Variants in MAST2 observed in about 807,000 individuals in gnomAD.
MAST2 encodes the protein microtubule-associated serine/threonine-protein kinase 2.
MAST2 carries 70 observed loss-of-function variants against 147.4 expected under a neutral mutation model. The ratio of observed to expected loss-of-function variants is 0.47; its 90% confidence interval spans 0.39 to 0.58. The LOEUF (loss-of-function observed/expected upper bound fraction) is 0.58, where lower values mean the gene tolerates loss of function less well. Ranked by LOEUF, MAST2 falls within the 20% of genes least tolerant of loss-of-function variation. MAST2 has a pLI of 0.00. For missense variants in MAST2, 2,080 were observed against 2,302.3 expected, an observed-to-expected ratio of 0.90 and a Z score of 1.98; for synonymous variants, 869 against 896.8, an observed-to-expected ratio of 0.97 and a Z score of 0.55.
At chr1:45,960,659 G>A (rs574174439) in intron 5 of MAST2, among the ~76,000 whole-genome samples, 5 of 152,304 alleles carry the variant, frequency 3.3e-5, no homozygotes, top group Admixed American at 2.0e-4. Context: ...ACCAGGCCAC[G>A]GGACTCAGCT....
At chr1:45,958,364 T>C (rs1354376409) in intron 4 of MAST2, among the ~76,000 whole-genome samples, 6 of 152,122 alleles carry the variant, frequency 3.9e-5, no homozygotes, top group Non-Finnish European at 2.9e-5. Flanking sequence ...CTTGTCTCAG[T>C]GCCTTTACCT....
chr1:45,949,558 T>TA (rs1300750018), intron 4 of MAST2, among the ~76,000 whole-genome samples: 2 of 152,016 alleles, frequency 1.3e-5, no homozygotes, highest in African/African-American at 4.8e-5. Flanking sequence ...TTGTTAAAAG[T>TA]AAAAAAATAA....
intron 4 of MAST2, among the ~76,000 whole-genome samples, chr1:45,955,986 C>G (rs750111717): frequency 7.9e-5 from 12 of 152,206 alleles, no homozygotes; most frequent in Non-Finnish European, 1.8e-4. Flanking sequence ...CTATAACTCT[C>G]AGAAGTTTCC....
At chr1:45,921,875 C>T (rs1653557199) in intron 4 of MAST2, among the ~76,000 whole-genome samples, 1 of 152,196 alleles carries the variant, frequency 6.6e-6, no homozygotes. Context: ...TCTTTTGGCC[C>T]TGCCATTCGG....
intron 10 of MAST2, among the ~76,000 whole-genome samples, chr1:46,017,891 C>T (rs1468937044): frequency 2.0e-5 from 3 of 152,214 alleles, no homozygotes; most frequent in Non-Finnish European, 4.4e-5. Context: ...CGGCACTATT[C>T]ACAATAGCAT....
intron 4 of MAST2, among the ~76,000 whole-genome samples, chr1:45,915,279 C>T (rs1158359621): frequency 1.3e-5 from 2 of 152,068 alleles, no homozygotes; most frequent in Non-Finnish European, 2.9e-5. Flanking sequence ...GTTTTACTGA[C>T]TTTGAGTTAG....
chr1:45,803,729 G>T lies in MAST2; in HGVS notation c.-167G>T. The T allele has an allele frequency of 2.8e-6, 1 of 351,178 alleles. No homozygotes were observed. The highest frequency in any genetic ancestry group is 7.6e-4 in the Middle Eastern group (1 of 1,316). The allele number at this position is 351,178 out of a possible 1,614,324, so 21.8% of individuals were successfully genotyped here. ...GGAGCGCAGAGGAGGTCGCGGCGCCGGAGGCCCCAGAAGGCTCGAAGGCGC... is the reference window on the plus strand; with the variant it reads ...GGAGCGCAGAGGAGGTCGCGGCGCCTGAGGCCCCAGAAGGCTCGAAGGCGC... On this transcript the variant is annotated 5_prime_UTR_variant, in exon 1 of 29. Coordinates refer to ENST00000361297, the MANE Select transcript of MAST2 (RefSeq NM_015112.3).
chr1:45,830,907 G>A (rs1021782857), intron 3 of MAST2, among the ~76,000 whole-genome samples: 1 of 151,646 alleles, frequency 6.6e-6, no homozygotes, highest in African/African-American at 2.4e-5. Flanking sequence ...ATGGTGGGGT[G>A]TGCCTGTAGT....
At chr1:45,844,428 G>A (rs148950202) in intron 3 of MAST2, among the ~76,000 whole-genome samples, 23 of 152,060 alleles carry the variant, frequency 1.5e-4, no homozygotes, top group South Asian at 6.2e-4. Flanking sequence ...GATTACAGGC[G>A]CCTGCCACCA....
chr1:45,940,617 G>C (rs1657100725), intron 4 of MAST2, among the ~76,000 whole-genome samples: 1 of 148,232 alleles, frequency 6.7e-6, no homozygotes, highest in Non-Finnish European at 1.5e-5. Flanking sequence ...AGAGAAGGTT[G>C]AGGATTTTTT....
intron 1 of MAST2, among the ~76,000 whole-genome samples, chr1:45,805,278 G>T (rs985968664): frequency 6.6e-6 from 1 of 152,090 alleles, no homozygotes. Flanking sequence ...CTGGAACTCT[G>T]ACCTCAGGTA....
At chr1:45,855,284 T>C (rs1272248069) in intron 3 of MAST2, among the ~76,000 whole-genome samples, 1 of 151,950 alleles carries the variant, frequency 6.6e-6, no homozygotes, top group African/African-American at 2.4e-5. Context: ...AAAAAATATA[T>C]ATTTTTATTA....
At chr1:45,941,016 G>T (rs1657184112) in intron 4 of MAST2, among the ~76,000 whole-genome samples, 1 of 152,184 alleles carries the variant, frequency 6.6e-6, no homozygotes, top group African/African-American at 2.4e-5. Flanking sequence ...GCTCTGATTG[G>T]TGAATGACAG....
At chr1:45,875,177 G>C (rs1646550294) in intron 3 of MAST2, among the ~76,000 whole-genome samples, 1 of 152,242 alleles carries the variant, frequency 6.6e-6, no homozygotes. Flanking sequence ...CGGGCACGGT[G>C]GCTCACGCCT....
intron 5 of MAST2, among the ~76,000 whole-genome samples, chr1:45,965,768 T>C (rs1339419791): frequency 2.6e-5 from 4 of 152,018 alleles, no homozygotes; most frequent in African/African-American, 7.2e-5. Flanking sequence ...CACAGCAAAA[T>C]TGAGGAAGAT....
intron 3 of MAST2, among the ~76,000 whole-genome samples, chr1:45,847,929 C>G (rs1645495487): frequency 6.6e-6 from 1 of 152,160 alleles, no homozygotes; most frequent in African/African-American, 2.4e-5. Context: ...AAAAGCAGTG[C>G]TACTGGTGCA....
At chr1:45,970,698 G>A (rs935877847) in intron 5 of MAST2, among the ~76,000 whole-genome samples, 5 of 129,582 alleles carry the variant, frequency 3.9e-5, no homozygotes, top group Non-Finnish European at 8.2e-5. Context: ...AAGAATTTCT[G>A]CTCTGGTAAG....
intron 2 of MAST2, among the ~76,000 whole-genome samples, chr1:45,827,401 A>G (rs1453892040): frequency 3.3e-5 from 5 of 152,034 alleles, no homozygotes; most frequent in African/African-American, 9.7e-5. Flanking sequence ...TTCAGTCTTT[A>G]CTGGTGTACA....
intron 10 of MAST2, among the ~76,000 whole-genome samples, chr1:46,018,004 G>A: frequency 6.6e-6 from 1 of 151,960 alleles, no homozygotes; most frequent in East Asian, 1.9e-4. Flanking sequence ...AATTCACCAA[G>A]GAACTCACTG....
Sources: allele counts gnomAD v4.1 joint callset (sites outside exome capture counted in the v4.1 genomes callset), GRCh38; gene constraint gnomAD v4.1.1; transcripts MANE v1.5; gene names NCBI Gene and HGNC (gene_info 2026-07-23, HGNC 2026-07-21).